SIPA1L2: variants seen among roughly 807,000 people sequenced by gnomAD.
SIPA1L2 encodes signal-induced proliferation-associated 1-like protein 2.
A neutral mutation model predicts 163.9 loss-of-function variants in SIPA1L2; 56 were observed. The ratio of observed to expected loss-of-function variants is 0.34; its 90% CI spans 0.28 to 0.43. The LOEUF (loss-of-function observed/expected upper bound fraction) is 0.43, where lower values mean the gene tolerates loss of function less well. Ranked by LOEUF, SIPA1L2 falls within the 20% of genes least tolerant of loss-of-function variation. SIPA1L2 has a pLI of 1.00. For synonymous variants in SIPA1L2, 877 were observed against 865.7 expected (o/e 1.01, Z -0.23); for missense variants, 1,974 against 2,193.5 (o/e 0.90, Z 2.00).
chr1:232,438,982 G>T, intron 15 of SIPA1L2, 126 bp downstream of exon 15: 1 of 950,974 alleles, frequency 1.1e-6, no homozygotes, highest in Non-Finnish European at 1.5e-6. Context: ...ATGTCAGACA[G>T]CTAGGAAAAA....
At chr1:232,508,344 G>A (rs1317775617) in intron 3 of SIPA1L2, among the ~76,000 whole-genome samples, 1 of 152,274 alleles carries the variant, frequency 6.6e-6, no homozygotes, top group South Asian at 2.1e-4. Flanking sequence ...AACCGTTTTA[G>A]AACTCCTGAG....
chr1:232,404,276 G>A (rs1660518204), intron 19 of SIPA1L2, 98 bp from the exon 20 acceptor site: 1 of 994,404 alleles, frequency 1.0e-6, no homozygotes, highest in Non-Finnish European at 1.6e-6. Context: ...AGTAGTGTGT[G>A]TGTGTGATGG....
In SIPA1L2 at chr1:232,415,472, C is replaced by T. The variant is rs138502412; in HGVS notation, c.4762+22G>A. 1,381 of 1,596,386 alleles carry T rather than the reference C, an allele frequency of 8.7e-4. 10 individuals are homozygous for T. In the African/African-American group the frequency reaches 0.017, roughly 20 times the overall value. On this transcript the variant is annotated intron_variant, in intron 19 of 22. Transcript: ENST00000674635. Reference sequence around the variant, plus strand: ...AGCACTCCCAGGGTAAGGGGTGAGGCCAGAGGCTGGTGAGTCTTTACCTTC... The same window carrying T: ...AGCACTCCCAGGGTAAGGGGTGAGGTCAGAGGCTGGTGAGTCTTTACCTTC...
chr1:232,595,232 A>G (rs1276438012), intron 1 of SIPA1L2, among the ~76,000 whole-genome samples: 1 of 152,120 alleles, frequency 6.6e-6, no homozygotes, highest in African/African-American at 2.4e-5. Flanking sequence ...CAACTCTCTC[A>G]TGCATACAAA....
chr1:232,486,372 C>T (rs1398993025), intron 5 of SIPA1L2, among the ~76,000 whole-genome samples: 6 of 152,208 alleles, frequency 3.9e-5, no homozygotes. Flanking sequence ...CCTCTCTTCC[C>T]AGCCATCGGA....
rs555476131 is a variant in SIPA1L2, at chr1:232,439,204, T to A, written c.3935A>T (p.Lys1312Met). ...CGCGTAGCCATGCACAGAATATAAC[T>A]TGGCTGGCTCGTCGTCAGGCCCAGA... is the stretch of plus-strand genomic sequence containing the variant. ...DVSGPDDEPA[K>M]LYSVHGYAST... The change falls in exon 15 of 23, where the codon AAG (lysine) becomes ATG (methionine). Residue 1312 changes from lysine to methionine, a missense_variant. Physicochemically the swap from Lys to Met is moderately conservative, Grantham distance 95 (BLOSUM62 -1). Around this residue, in one of 3 missense-constraint regions of SIPA1L2, gnomAD observed 1,079 missense variants for 1,150.7 expected, o/e 0.94. Coordinates refer to ENST00000674635, the MANE Select transcript of SIPA1L2 (RefSeq NM_020808.5). The A allele has an allele frequency of 5.0e-6, 8 of 1,613,684 alleles. No homozygotes were observed. The highest frequency in any genetic ancestry group is 6.8e-6 in the Non-Finnish European group (8 of 1,180,054).
Position 232,616,631 on chromosome 1 carries a change from G to A in SIPA1L2, c.-319+13238C>T, listed in dbSNP as rs1285893889. Among the ~76,000 whole-genome samples, 3 of 152,188 alleles carry A rather than the reference G, an allele frequency of 2.0e-5. 1 individual carries two copies. In the South Asian group the frequency reaches 6.2e-4, roughly 32 times the overall value. On this transcript the variant is annotated intron_variant, in intron 1 of 22. Transcript: ENST00000674635. ...AGCAGCCTACCTGTCCGGACTTTGG[G>A]CTGTCACCCTAGAAAGAAATCAGCT...
At chr1:232,470,594 T>G (rs951151217) in intron 8 of SIPA1L2, among the ~76,000 whole-genome samples, 4 of 152,180 alleles carry the variant, frequency 2.6e-5, no homozygotes, top group Admixed American at 2.6e-4. Flanking sequence ...TTTAAGATGA[T>G]AAATGAAAAT....
intron 5 of SIPA1L2, among the ~76,000 whole-genome samples, chr1:232,486,616 A>C (rs1665659960): frequency 6.6e-6 from 1 of 152,226 alleles, no homozygotes; most frequent in Admixed American, 6.5e-5. Flanking sequence ...ACTTTTGATC[A>C]GTTTGCCAGG....
intron 16 of SIPA1L2, among the ~76,000 whole-genome samples, chr1:232,431,405 A>G (rs1270330296): frequency 2.0e-5 from 3 of 152,222 alleles, no homozygotes; most frequent in Admixed American, 2.0e-4. Context: ...GCTGTATTTA[A>G]GACACAGGAT....
At chr1:232,431,312 C>G (rs1228193449) in intron 16 of SIPA1L2, among the ~76,000 whole-genome samples, 1 of 152,170 alleles carries the variant, frequency 6.6e-6, no homozygotes, top group Non-Finnish European at 1.5e-5. Context: ...TTTGCAATGA[C>G]TGACATGATT....
chr1:232,534,145 C>T (rs967015164), intron 2 of SIPA1L2, among the ~76,000 whole-genome samples: 1 of 151,580 alleles, frequency 6.6e-6, no homozygotes, highest in East Asian at 1.9e-4. Flanking sequence ...AAACTTATTA[C>T]AAATCTACAG....
At chr1:232,490,193 T>C (rs920610362) in intron 5 of SIPA1L2, among the ~76,000 whole-genome samples, 5 of 151,956 alleles carry the variant, frequency 3.3e-5, no homozygotes, top group African/African-American at 1.2e-4. Flanking sequence ...CCTCACCACC[T>C]CTCTTCTCTT....
chr1:232,418,290 C>T (rs1661376240), intron 18 of SIPA1L2, among the ~76,000 whole-genome samples: 1 of 152,174 alleles, frequency 6.6e-6, no homozygotes, highest in Admixed American at 6.5e-5. Flanking sequence ...CCCTGATTCA[C>T]AAGCTGGGAT....
intron 2 of SIPA1L2, among the ~76,000 whole-genome samples, chr1:232,564,235 C>CGTGTGTGTGT (rs59088753): frequency 6.7e-5 from 2 of 29,698 alleles, no homozygotes; most frequent in Non-Finnish European, 9.8e-5. Flanking sequence ...TTTTTTTTTT[C>CGTGTGTGTGT]GTGTGTGTGT....
rs545060572 is a variant in SIPA1L2 at position 232,481,441 on chromosome 1, T to C, written c.1982-1711A>G. Among the ~76,000 whole-genome samples the C allele has an allele frequency of 1.3e-4, 19 of 151,494 alleles. No homozygotes were observed. The South Asian group carries it at 3.8e-3, about 30-fold the overall frequency. ...GATATTAGGTTTCAGATTTAGGAAA[T>C]TGCAAGGAAGAAAGAAAGATGCATT... On this transcript the variant is annotated intron_variant, in intron 6 of 22. Coordinates refer to ENST00000674635, the MANE Select transcript of SIPA1L2 (RefSeq NM_020808.5).
chr1:232,520,824 G>A (rs2103059411), intron 2 of SIPA1L2, among the ~76,000 whole-genome samples: 1 of 152,212 alleles, frequency 6.6e-6, no homozygotes, highest in African/African-American at 2.4e-5. Flanking sequence ...GAGCTGAGGT[G>A]CTGCTCGCAC....
At chr1:232,467,909 T>C (rs1664606560) in intron 8 of SIPA1L2, among the ~76,000 whole-genome samples, 2 of 152,330 alleles carry the variant, frequency 1.3e-5, no homozygotes, top group Admixed American at 6.5e-5. Flanking sequence ...CTCCATTATA[T>C]AGTAGGGAAA....
At chr1:232,584,672 GT>G (rs1362183690) in intron 1 of SIPA1L2, among the ~76,000 whole-genome samples, 2 of 152,260 alleles carry the variant, frequency 1.3e-5, no homozygotes, top group African/African-American at 4.8e-5. Flanking sequence ...CTTTCAGAGG[GT>G]GACAGGGAAG....
Sources: gnomAD v4.1 joint callset for allele counts (sites outside exome capture counted in the v4.1 genomes callset) on GRCh38, gnomAD v4.1.1 for gene constraint, gnomAD v4.1.1 regional missense constraint, MANE v1.5 for transcripts, NCBI Gene and HGNC (gene_info 2026-07-23, HGNC 2026-07-21) for gene names.